The following UBE2R2 variants were observed in gnomAD, a reference collection of about 807,000 sequenced individuals.
The protein encoded by UBE2R2 is ubiquitin-conjugating enzyme E2 R2.
In UBE2R2, 1 loss-of-function variant was observed where a neutral mutation model predicts 27.8. The ratio of observed to expected loss-of-function variants is 0.04; its 90% CI spans 0.01 to 0.17. The LOEUF (loss-of-function observed/expected upper bound fraction) is 0.17. Ranked by LOEUF, UBE2R2 falls within the 10% of genes least tolerant of loss-of-function variation. UBE2R2 has a pLI of 1.00. For synonymous variants in UBE2R2, 106 were observed against 113.3 expected (o/e 0.94, Z 0.41); for missense variants, 100 against 291.0 (o/e 0.34, Z 4.78).
intron 1 of UBE2R2, among the ~76,000 whole-genome samples, chr9:33,827,531 C>T (rs927176936): frequency 1.3e-5 from 2 of 151,896 alleles, no homozygotes; most frequent in Admixed American, 1.3e-4. Flanking sequence ...ATCCCAGCTA[C>T]TTGGGAGGCT....
chr9:33,835,584 T>C (rs193034752), intron 1 of UBE2R2, among the ~76,000 whole-genome samples: 25 of 152,256 alleles, frequency 1.6e-4, no homozygotes, highest in Non-Finnish European at 1.9e-4. Context: ...TTTTTGTTTG[T>C]TTTTGAGACA....
chr9:33,901,032 T>C (rs965454099), intron 3 of UBE2R2, among the ~76,000 whole-genome samples: 2 of 152,200 alleles, frequency 1.3e-5, no homozygotes, highest in Non-Finnish European at 2.9e-5. Flanking sequence ...CACAGGTCAC[T>C]GCAGCCTCGA....
rs557764440 is a variant in UBE2R2, at chr9:33,840,623, AGTCT to A, written c.177+22691_177+22694del. ...TTGTGTTCTTTCATGGGGAGGCAGAAGTCTGGTTTTCTCTTTTTTTTAAATCATG... is the reference window on the plus strand; with the variant it reads ...TTGTGTTCTTTCATGGGGAGGCAGAAGGTTTTCTCTTTTTTTTAAATCATG... On this transcript the variant is annotated intron_variant, in intron 1 of 4. Coordinates refer to ENST00000263228, the MANE Select transcript of UBE2R2 (RefSeq NM_017811.4). Among the ~76,000 whole-genome samples the A allele has an allele frequency of 8.5e-5, 13 of 152,242 alleles. No individual in the cohort carries two copies. In the South Asian group the frequency reaches 2.7e-3, roughly 32 times the overall value.
chr9:33,887,491 G>A (rs529010243), intron 2 of UBE2R2, among the ~76,000 whole-genome samples: 1 of 152,262 alleles, frequency 6.6e-6, no homozygotes, highest in East Asian at 1.9e-4. Context: ...ACATGCCTGG[G>A]GGAAGCATTT....
intron 1 of UBE2R2, among the ~76,000 whole-genome samples, chr9:33,837,058 A>T (rs962471488): frequency 6.6e-6 from 1 of 152,074 alleles, no homozygotes; most frequent in Non-Finnish European, 1.5e-5. Context: ...TGCTGTAGGT[A>T]CTTTTAAACT....
intron 1 of UBE2R2, among the ~76,000 whole-genome samples, chr9:33,880,668 G>A (rs1474081499): frequency 1.3e-5 from 2 of 152,098 alleles, no homozygotes; most frequent in Admixed American, 6.6e-5. Flanking sequence ...TAAACCAGGG[G>A]TGCCTACCCG....
chr9:33,869,933 G>A (rs1472254108), intron 1 of UBE2R2, among the ~76,000 whole-genome samples: 1 of 151,838 alleles, frequency 6.6e-6, no homozygotes, highest in Non-Finnish European at 1.5e-5. Flanking sequence ...CGAAACATCC[G>A]CCTCCTGGGT....
chr9:33,830,025 G>C (rs1423289400), intron 1 of UBE2R2, among the ~76,000 whole-genome samples: 1 of 151,940 alleles, frequency 6.6e-6, no homozygotes, highest in African/African-American at 2.4e-5. Context: ...TCGAACTCCC[G>C]ACCTCTGGTG....
chr9:33,912,482 GGT>G (rs1822515680), intron 4 of UBE2R2, among the ~76,000 whole-genome samples: 1 of 152,018 alleles, frequency 6.6e-6, no homozygotes, highest in Non-Finnish European at 1.5e-5. Context: ...AAATTAGCCA[GGT>G]GTGGTGGTGC....
At chr9:33,856,604 T>G (rs1821105417) in intron 1 of UBE2R2, among the ~76,000 whole-genome samples, 1 of 152,044 alleles carries the variant, frequency 6.6e-6, no homozygotes, top group Admixed American at 6.6e-5. Flanking sequence ...CAATATCAAG[T>G]GTTTATGTTA....
intron 3 of UBE2R2, among the ~76,000 whole-genome samples, chr9:33,903,276 A>C (rs1450777227): frequency 1.3e-5 from 2 of 152,204 alleles, no homozygotes; most frequent in Non-Finnish European, 2.9e-5. Context: ...ATCCAAAAAA[A>C]TCCCCAGTTG....
Position 33,856,831 on chromosome 9 carries a change from G to C in UBE2R2, c.178-30050G>C, listed in dbSNP as rs28394763. On this transcript the variant is annotated intron_variant, in intron 1 of 4. Transcript: ENST00000263228. The stretch of plus-strand genomic sequence containing the variant: ...CTTCCGTCCTTCCATCCATCCATCC[G>C]TCTGTCCGTCCTTCCATCCATCCAT... Among the ~76,000 whole-genome samples, 3 of 143,314 alleles carry C rather than the reference G, an allele frequency of 2.1e-5. No individual in the cohort carries two copies. In the East Asian group the frequency reaches 6.0e-4, roughly 29 times the overall value. 94.0% of individuals were successfully genotyped at this position (143,314 alleles called of 152,430 possible).
At chr9:33,863,664 A>G (rs758726709) in intron 1 of UBE2R2, among the ~76,000 whole-genome samples, 2 of 152,106 alleles carry the variant, frequency 1.3e-5, no homozygotes, top group Non-Finnish European at 2.9e-5. Context: ...ATATGGGGCA[A>G]AACTGATGGC....
At chr9:33,874,046 C>G (rs146160570) in intron 1 of UBE2R2, among the ~76,000 whole-genome samples, 1 of 151,288 alleles carries the variant, frequency 6.6e-6, no homozygotes, top group Non-Finnish European at 1.5e-5. Flanking sequence ...TTCCCGAGTT[C>G]AAGCAATTCT....
intron 1 of UBE2R2, among the ~76,000 whole-genome samples, chr9:33,865,403 G>C (rs1490302667): frequency 1.3e-5 from 2 of 150,480 alleles, no homozygotes; most frequent in Non-Finnish European, 3.0e-5. Flanking sequence ...TCACCATATT[G>C]GCCAGGCTTG....
At chr9:33,824,828 G>A (rs895209239) in intron 1 of UBE2R2, among the ~76,000 whole-genome samples, 9 of 150,626 alleles carry the variant, frequency 6.0e-5, no homozygotes, top group Admixed American at 5.3e-4. Context: ...AAAAATTCTT[G>A]GAATCCATGA....
chr9:33,894,464 G>A (rs1822054123), intron 2 of UBE2R2, among the ~76,000 whole-genome samples: 2 of 151,884 alleles, frequency 1.3e-5, no homozygotes, highest in Non-Finnish European at 2.9e-5. Context: ...TGGGGAATGG[G>A]GTCTTGCTCT....
chr9:33,891,352 A>T (rs114539632), intron 2 of UBE2R2, among the ~76,000 whole-genome samples: 1 of 151,570 alleles, frequency 6.6e-6, no homozygotes, highest in African/African-American at 2.4e-5. Context: ...ATGTTTTTAA[A>T]AAGACAGGTG....
At chr9:33,833,772 T>C (rs1820550945) in intron 1 of UBE2R2, among the ~76,000 whole-genome samples, 1 of 152,242 alleles carries the variant, frequency 6.6e-6, no homozygotes, top group Non-Finnish European at 1.5e-5. Flanking sequence ...ACTGAAACTT[T>C]GAAGCTGTTA....
Sources: gnomAD v4.1 joint callset for allele counts (sites outside exome capture counted in the v4.1 genomes callset) on GRCh38, gnomAD v4.1.1 for gene constraint, MANE v1.5 for transcripts, NCBI Gene and HGNC (gene_info 2026-07-23, HGNC 2026-07-21) for gene names.